Variants in MCM8 observed in about 807,000 individuals in gnomAD.
MCM8 encodes the protein DNA helicase MCM8.
A neutral mutation model predicts 98.9 loss-of-function variants in MCM8; 85 were observed. The ratio of observed to expected loss-of-function variants is 0.86; its 90% confidence interval spans 0.72 to 1.03. MCM8 has a LOEUF of 1.03. MCM8 is among the 50% of genes least tolerant of loss of function. MCM8 has a pLI of 0.00. For missense variants in MCM8, 951 were observed against 997.8 expected, an observed-to-expected ratio of 0.95 and a Z score of 0.63; for synonymous variants, 352 against 338.6, an observed-to-expected ratio of 1.04 and a Z score of -0.44.
chr20:5,981,635 T>G, intron 13 of MCM8, among the ~76,000 whole-genome samples: 1 of 152,070 alleles, frequency 6.6e-6, no homozygotes, highest in East Asian at 1.9e-4. Context: ...AAGAAATAGG[T>G]TTGGACAGAG....
intron 7 of MCM8, among the ~76,000 whole-genome samples, chr20:5,960,850 G>C (rs754604105): frequency 6.6e-6 from 1 of 152,154 alleles, no homozygotes; most frequent in East Asian, 1.9e-4. Context: ...CCGGAGAATC[G>C]CTTGAACCCA....
intron 12 of MCM8, 37 bp from the exon 13 acceptor site, chr20:5,977,839 A>G (rs771539319): frequency 1.9e-6 from 3 of 1,608,094 alleles, no homozygotes; most frequent in Non-Finnish European, 2.6e-6. Context: ...CTTCCCTTTT[A>G]CTTTGGATGA....
chr20:5,990,671 C>T (rs1424426319), intron 17 of MCM8, among the ~76,000 whole-genome samples: 2 of 152,086 alleles, frequency 1.3e-5, no homozygotes, highest in African/African-American at 2.4e-5. Context: ...TCTAAGAGAC[C>T]AGACTAGAGA....
At chr20:5,982,219 T>C (rs576064801) in intron 13 of MCM8, among the ~76,000 whole-genome samples, 1 of 152,270 alleles carries the variant, frequency 6.6e-6, no homozygotes, top group East Asian at 1.9e-4. Flanking sequence ...CCAGTTAGGT[T>C]AGCAGCTGGG....
In MCM8 at chr20:5,952,011, G is replaced by C; in HGVS notation, c.-5G>C. The C allele has an allele frequency of 6.2e-7, 1 of 1,609,014 alleles. No homozygotes were observed. ...GACCTTTTTAATATCTATCTTTTAGGAGAGATGAATGGAGAGTATAGAGGC... is the reference window on the plus strand; with the variant it reads ...GACCTTTTTAATATCTATCTTTTAGCAGAGATGAATGGAGAGTATAGAGGC... On this transcript the variant is annotated splice_region_variant and 5_prime_UTR_variant, in exon 2 of 19. Coordinates refer to ENST00000610722, the MANE Select transcript of MCM8 (RefSeq NM_032485.6).
intron 1 of MCM8, 75 bp from the exon 2 acceptor site, chr20:5,951,936 T>G: frequency 6.8e-7 from 1 of 1,480,696 alleles, no homozygotes; most frequent in Non-Finnish European, 9.0e-7. Flanking sequence ...ATTTTTCCCT[T>G]TTTATTAATA....
intron 12 of MCM8, among the ~76,000 whole-genome samples, chr20:5,973,683 C>T (rs1055751004): frequency 2.0e-5 from 3 of 151,896 alleles, no homozygotes; most frequent in Non-Finnish European, 4.4e-5. Context: ...GAGACGGAGT[C>T]ACACTCTGTT....
chr20:5,953,266 T>C (rs914301597), intron 3 of MCM8, among the ~76,000 whole-genome samples: 5 of 152,072 alleles, frequency 3.3e-5, no homozygotes, highest in African/African-American at 1.2e-4. Flanking sequence ...AGTAGAACAG[T>C]GGGCCTGAAA....
chr20:5,967,186 C>T (rs555194508), intron 8 of MCM8, among the ~76,000 whole-genome samples: 1 of 152,278 alleles, frequency 6.6e-6, no homozygotes, highest in East Asian at 1.9e-4. Context: ...GCTGATGATA[C>T]CTCTACATAC....
At chr20:5,981,257 A>G (rs551861342) in intron 13 of MCM8, among the ~76,000 whole-genome samples, 5 of 152,310 alleles carry the variant, frequency 3.3e-5, no homozygotes, top group South Asian at 2.1e-4. Flanking sequence ...CCAGAGAGGT[A>G]TAGGCAGACG....
At chr20:5,993,740 C>A in intron 18 of MCM8, 45 bp downstream of exon 18, 1 of 1,445,970 alleles carries the variant, frequency 6.9e-7, no homozygotes, top group Non-Finnish European at 9.4e-7. Context: ...TTCAGGAGGT[C>A]CTTGTTAATA....
intron 4 of MCM8, 90 bp downstream of exon 4, chr20:5,954,780 T>C: frequency 1.3e-6 from 1 of 775,110 alleles, no homozygotes; most frequent in Non-Finnish European, 2.2e-6. Flanking sequence ...GGCACTGGAG[T>C]CAGACTTCCT....
rs116371793 is a variant in MCM8 at position 5,950,750 on chromosome 20, A to G, written c.-279A>G. The G allele has an allele frequency of 3.5e-3, 669 of 191,124 alleles. 4 individuals are homozygous for G. Among genetic ancestry groups the G allele is most frequent in the African/African-American group, 0.015 (643 of 42,884 alleles). 11.8% of individuals were successfully genotyped at this position (191,124 alleles called of 1,614,324 possible). A position where few individuals can be genotyped will look rare whatever the true frequency, so the allele number is the denominator to read the frequency against. ...TTTTGCGGCGCTGTGCGCTACAGAC[A>G]CCTTCTGGAAGCTGCGGTGGGGAAA... On this transcript the variant is annotated 5_prime_UTR_variant, in exon 1 of 19. Coordinates refer to ENST00000610722, the MANE Select transcript of MCM8 (RefSeq NM_032485.6).
chr20:5,953,716 G>T (rs548394322), intron 3 of MCM8, among the ~76,000 whole-genome samples: 26 of 151,554 alleles, frequency 1.7e-4, no homozygotes, highest in African/African-American at 5.1e-4. Flanking sequence ...CTCGTTATCC[G>T]CCCGCCTCGG....
chr20:5,982,917 G>T, intron 13 of MCM8, 53 bp from the exon 14 acceptor site: 2 of 1,483,190 alleles, frequency 1.3e-6, no homozygotes, highest in South Asian at 2.5e-5. Flanking sequence ...ATAAAATTTG[G>T]AACTTGACCA....
At position 5,994,318 on chromosome 20, in the gene MCM8, T is replaced by G. The variant is rs751498793; in HGVS notation, c.2450T>G (p.Phe817Cys). Reference sequence around the variant, plus strand: ...TTCCAGGTTGCTGATTTTGAAAATTTTATTGGATCACTAAATGACCAGGGT... The same window carrying G: ...TTCCAGGTTGCTGATTTTGAAAATTGTATTGGATCACTAAATGACCAGGGT... ...LNIQVADFEN[F>C]IGSLNDQGYL... The change falls in exon 19 of 19, where the codon TTT (phenylalanine) becomes TGT (cysteine). Residue 817 changes from phenylalanine (F) to cysteine (C), a missense_variant. By Grantham distance (205) the Phe-to-Cys change is radical (BLOSUM62 -2). Transcript: ENST00000610722. The G allele has an allele frequency of 5.6e-6, 9 of 1,600,354 alleles. No individual in the cohort carries two copies. Among genetic ancestry groups the G allele is most frequent in the Non-Finnish European group, 7.7e-6 (9 of 1,174,970 alleles).
At chr20:5,993,886 A>T in intron 18 of MCM8, 191 bp downstream of exon 18, 1 of 478,958 alleles carries the variant, frequency 2.1e-6, no homozygotes. Context: ...TCTCTTGTGG[A>T]TATGTCATTT....
rs2122852444 is a variant in MCM8, at chr20:5,993,659, TCAA to T, written c.2396_2398del (p.Gln799del). ...CTTATAATAATATATTTCAATTTCA[TCAA>T]CTTCGGCAGATTGCCAAAGAACTAA... On this transcript the variant is annotated inframe_deletion, in exon 18 of 19. Coordinates refer to ENST00000610722, the MANE Select transcript of MCM8 (RefSeq NM_032485.6). 6.2e-7 allele frequency: 1 copy of T among 1,607,972 alleles called. No individual in the cohort carries two copies. The highest frequency in any genetic ancestry group is 2.2e-5 in the East Asian group (1 of 44,844).
At chr20:5,952,315 A>G (rs2088852351) in intron 2 of MCM8, 109 bp from the exon 3 acceptor site, 2 of 1,552,992 alleles carry the variant, frequency 1.3e-6, no homozygotes, top group East Asian at 4.5e-5. Context: ...GATTTTTACT[A>G]AAACCCCTAA....
Sources: gnomAD v4.1 joint callset for allele counts (sites outside exome capture counted in the v4.1 genomes callset) on GRCh38, gnomAD v4.1.1 for gene constraint, MANE v1.5 for transcripts, NCBI Gene and HGNC (gene_info 2026-07-23, HGNC 2026-07-21) for gene names.